The following GABRG3 variants were observed in gnomAD, a reference collection of about 807,000 sequenced individuals.
GABRG3 encodes gamma-aminobutyric acid receptor subunit gamma-3.
A neutral mutation model predicts 48.8 loss-of-function variants in GABRG3; 25 were observed. That is an observed-to-expected ratio of 0.51 (90% confidence interval 0.37 to 0.72). The LOEUF is 0.72. GABRG3 is among the 30% of genes least tolerant of loss of function. The pLI, the probability that GABRG3 is intolerant of heterozygous loss-of-function variation, is 0.00. For missense variants in GABRG3, 394 were observed against 577.9 expected, an observed-to-expected ratio of 0.68 and a Z score of 3.26; for synonymous variants, 227 against 217.6, an observed-to-expected ratio of 1.04 and a Z score of -0.38.
At chr15:27,437,465 ACTT>A (rs1344557174) in intron 5 of GABRG3, among the ~76,000 whole-genome samples, 1 of 152,188 alleles carries the variant, frequency 6.6e-6, no homozygotes, top group East Asian at 1.9e-4. Flanking sequence ...ATCTTTTTCT[ACTT>A]TCAGATTCCC....
At chr15:27,073,278 G>GGGGA (rs1191791396) in intron 3 of GABRG3, among the ~76,000 whole-genome samples, 3 of 152,244 alleles carry the variant, frequency 2.0e-5, no homozygotes, top group Admixed American at 6.5e-5. Flanking sequence ...TGGAAGAGGA[G>GGGGA]GGGACCCCTG....
intron 3 of GABRG3, among the ~76,000 whole-genome samples, chr15:27,273,282 T>C (rs7177867): frequency 0.11 from 16,422 of 152,198 alleles, 1,526 homozygotes; most frequent in African/African-American, 0.25. Flanking sequence ...ATTTTGTCAA[T>C]AAGGTTCAGG....
At chr15:27,044,427 T>C (rs1468405965) in intron 3 of GABRG3, among the ~76,000 whole-genome samples, 2 of 152,158 alleles carry the variant, frequency 1.3e-5, no homozygotes, top group East Asian at 1.9e-4. Flanking sequence ...GATGTCAAAA[T>C]GCAAACTTGT....
chr15:27,167,471 G>T (rs1887417342), intron 3 of GABRG3, among the ~76,000 whole-genome samples: 1 of 152,198 alleles, frequency 6.6e-6, no homozygotes, highest in Non-Finnish European at 1.5e-5. Flanking sequence ...CTCACTGTCT[G>T]CTTCAGCACT....
chr15:27,213,436 G>A (rs1243754416), intron 3 of GABRG3, among the ~76,000 whole-genome samples: 1 of 152,234 alleles, frequency 6.6e-6, no homozygotes, highest in Non-Finnish European at 1.5e-5. Flanking sequence ...GAAGAAAGCA[G>A]AAACAGGGAG....
At chr15:27,124,999 T>C (rs1230813923) in intron 3 of GABRG3, among the ~76,000 whole-genome samples, 3 of 152,212 alleles carry the variant, frequency 2.0e-5, no homozygotes, top group Admixed American at 2.0e-4. Flanking sequence ...TACTGCTGTG[T>C]GGGATTATTT....
intron 6 of GABRG3, among the ~76,000 whole-genome samples, chr15:27,484,584 G>A (rs886495290): frequency 6.6e-6 from 1 of 152,162 alleles, no homozygotes; most frequent in African/African-American, 2.4e-5. Flanking sequence ...TACCCTTAGT[G>A]CCCAGATCTT....
At position 27,197,172 on chromosome 15, in the gene GABRG3, C is replaced by T. The variant is rs193098041; in HGVS notation, c.271-129637C>T. 3.9e-5 allele frequency among the ~76,000 whole-genome samples: 6 copies of T among 152,098 alleles called. No homozygotes were observed. In the East Asian group the frequency reaches 5.8e-4, roughly 15 times the overall value. On this transcript the variant is annotated intron_variant, in intron 3 of 9. Coordinates refer to ENST00000615808, the MANE Select transcript of GABRG3 (RefSeq NM_033223.5). ...CATGGGTTGATTGGTGTACTAAATG[C>T]GTTTTGGATTCCTGATACTTTGGAC...
intron 3 of GABRG3, among the ~76,000 whole-genome samples, chr15:27,181,414 A>G: frequency 6.6e-6 from 1 of 152,198 alleles, no homozygotes; most frequent in South Asian, 2.1e-4. Flanking sequence ...CTATCCTAAT[A>G]CAAATGGCTG....
At chr15:27,128,349 C>T (rs927659804) in intron 3 of GABRG3, among the ~76,000 whole-genome samples, 5 of 152,276 alleles carry the variant, frequency 3.3e-5, no homozygotes, top group Admixed American at 2.6e-4. Context: ...CACACGTCTC[C>T]CTTCATGCAT....
chr15:27,042,150 G>A (rs183931552), intron 3 of GABRG3, among the ~76,000 whole-genome samples: 222 of 152,322 alleles, frequency 1.5e-3, no homozygotes, highest in Non-Finnish European at 2.3e-3. Context: ...GGATGCAAGC[G>A]GCTGCCCATG....
chr15:27,482,745 G>A (rs1366576972), intron 6 of GABRG3, among the ~76,000 whole-genome samples: 1 of 152,224 alleles, frequency 6.6e-6, no homozygotes, highest in Non-Finnish European at 1.5e-5. Flanking sequence ...TCAAGCTTAT[G>A]TAAATAATTC....
chr15:27,351,505 G>C (rs1894591233), intron 5 of GABRG3, among the ~76,000 whole-genome samples: 1 of 137,816 alleles, frequency 7.3e-6, no homozygotes, highest in African/African-American at 2.7e-5. Context: ...GTGTGTGTTG[G>C]TATGTGTGTA....
intron 3 of GABRG3, among the ~76,000 whole-genome samples, chr15:27,034,224 C>T (rs1311720634): frequency 2.0e-5 from 3 of 152,156 alleles, no homozygotes; most frequent in African/African-American, 4.8e-5. Flanking sequence ...TTGTGGATCT[C>T]CTGTTGTCCT....
intron 3 of GABRG3, among the ~76,000 whole-genome samples, chr15:27,059,366 T>C (rs917969551): frequency 6.6e-6 from 1 of 152,236 alleles, no homozygotes; most frequent in African/African-American, 2.4e-5. Context: ...TTGTAGAAAA[T>C]TGGCAAAACG....
At chr15:27,256,243 C>T (rs557904991) in intron 3 of GABRG3, among the ~76,000 whole-genome samples, 3 of 151,898 alleles carry the variant, frequency 2.0e-5, no homozygotes, top group Non-Finnish European at 2.9e-5. Flanking sequence ...GAGATCAAGA[C>T]CATCCTGGCT....
chr15:27,125,468 G>A (rs1223360602), intron 3 of GABRG3, among the ~76,000 whole-genome samples: 1 of 152,148 alleles, frequency 6.6e-6, no homozygotes, highest in Admixed American at 6.5e-5. Flanking sequence ...TTTTCAAGAA[G>A]CTAAAAGAGA....
chr15:27,131,480 T>C (rs1034798821), intron 3 of GABRG3, among the ~76,000 whole-genome samples: 7 of 152,040 alleles, frequency 4.6e-5, no homozygotes, highest in African/African-American at 1.4e-4. Flanking sequence ...CAAAAAGATA[T>C]TGGTTTGTAG....
At chr15:27,306,587 T>C (rs1311099790) in intron 3 of GABRG3, among the ~76,000 whole-genome samples, 1 of 131,334 alleles carries the variant, frequency 7.6e-6, no homozygotes, top group Non-Finnish European at 1.6e-5. Flanking sequence ...TATATAAACA[T>C]ATAATATAAA....
Sources: gnomAD v4.1 joint callset for allele counts (sites outside exome capture counted in the v4.1 genomes callset) on GRCh38, gnomAD v4.1.1 for gene constraint, MANE v1.5 for transcripts, NCBI Gene and HGNC (gene_info 2026-07-23, HGNC 2026-07-21) for gene names.